ZBTB20: variants seen among roughly 807,000 people sequenced by gnomAD.
The protein encoded by ZBTB20 is zinc finger and BTB domain containing 20.
Under a neutral mutation model 56.9 loss-of-function variants are expected in ZBTB20, and 9 were observed. The observed-to-expected ratio is 0.16, with a 90% CI of 0.10 to 0.28. The LOEUF is 0.28. Among genes scored for constraint, ZBTB20 ranks in the 10% least tolerant of loss-of-function variants. The pLI, the probability that ZBTB20 is intolerant of heterozygous loss-of-function variation, is 1.00. For synonymous variants in ZBTB20, 417 were observed against 420.7 expected, an observed-to-expected ratio of 0.99 and a Z score of 0.11; for missense variants, 655 against 1,003.0, an observed-to-expected ratio of 0.65 and a Z score of 4.69.
At chr3:115,075,294 C>A in intron 1 of ZBTB20, among the ~76,000 whole-genome samples, 1 of 152,126 alleles carries the variant, frequency 6.6e-6, no homozygotes, top group East Asian at 1.9e-4. Context: ...CCCTTTCCTT[C>A]AGCCCTTGGC....
At chr3:114,933,023 A>G (rs916607978) in intron 3 of ZBTB20, among the ~76,000 whole-genome samples, 2 of 152,148 alleles carry the variant, frequency 1.3e-5, no homozygotes, top group African/African-American at 4.8e-5. Context: ...ATGAGAAGCA[A>G]TGGGGAGAGA....
intron 2 of ZBTB20, among the ~76,000 whole-genome samples, chr3:114,996,365 A>C: frequency 2.7e-5 from 4 of 146,040 alleles, no homozygotes; most frequent in Non-Finnish European, 4.5e-5. Context: ...CTAGCCTCCC[A>C]CCCCCCAAAA....
At chr3:114,993,610 A>G (rs1420022342) in intron 2 of ZBTB20, among the ~76,000 whole-genome samples, 5 of 151,884 alleles carry the variant, frequency 3.3e-5, no homozygotes, top group Non-Finnish European at 7.4e-5. Flanking sequence ...ATGAAAAGAT[A>G]GATTAAAAAG....
chr3:114,769,498 C>CTA lies in ZBTB20; in HGVS notation c.-343+31601_-343+31602dup, dbSNP rs1262783587. 1.7e-4 allele frequency among the ~76,000 whole-genome samples: 25 copies of CTA among 144,384 alleles called. No individual in the cohort carries two copies. In the East Asian group the frequency reaches 4.8e-3, roughly 28 times the overall value. The allele number at this position is 144,384 out of a possible 152,430, so 94.7% of individuals were successfully genotyped here. On this transcript the variant is annotated intron_variant, in intron 5 of 11. Coordinates refer to ENST00000675478, the MANE Select transcript of ZBTB20 (RefSeq NM_001348800.3). Reference sequence around the variant, plus strand: ...ATAGATAATATACTTTCAAATATATCTATTTGCACCTGTTAAATAGCTAAT... The same window carrying CTA: ...ATAGATAATATACTTTCAAATATATCTATATTTGCACCTGTTAAATAGCTAAT...
At position 114,943,417 on chromosome 3, in the gene ZBTB20, CAT is replaced by C. The variant is rs1560423013; in HGVS notation, c.-456+30947_-456+30948del. On this transcript the variant is annotated intron_variant, in intron 3 of 11. Transcript: ENST00000675478. The stretch of plus-strand genomic sequence containing the variant: ...AAAGAGAAAAAATAATAGACAAAAA[CAT>C]AAATTCAAAAATGATACAGATTAAA... Among the ~76,000 whole-genome samples the C allele has an allele frequency of 2.1e-5, 3 of 145,188 alleles. No homozygotes were observed. The South Asian group carries it at 6.5e-4, about 31-fold the overall frequency.
intron 3 of ZBTB20, among the ~76,000 whole-genome samples, chr3:114,955,908 G>T (rs1202336005): frequency 6.6e-6 from 1 of 152,020 alleles, no homozygotes; most frequent in East Asian, 1.9e-4. Flanking sequence ...AAATGGAAAA[G>T]GAAAAGGCAA....
At chr3:114,868,424 T>G (rs2075858855) in intron 4 of ZBTB20, among the ~76,000 whole-genome samples, 1 of 152,208 alleles carries the variant, frequency 6.6e-6, no homozygotes, top group African/African-American at 2.4e-5. Context: ...TGGAGGTTCA[T>G]GTAGCACACT....
rs184975233 is a variant in ZBTB20 at position 115,041,778 on chromosome 3, A to C, written c.-507+29441T>G. Reference sequence around the variant, plus strand: ...AATAACTATAAATTCCCTATGGAGAAGCCATCTCTGCCCCATGTCATCATG... The same window carrying C: ...AATAACTATAAATTCCCTATGGAGACGCCATCTCTGCCCCATGTCATCATG... On this transcript the variant is annotated intron_variant, in intron 2 of 11. Coordinates refer to ENST00000675478, the MANE Select transcript of ZBTB20 (RefSeq NM_001348800.3). 7.2e-5 allele frequency among the ~76,000 whole-genome samples: 11 copies of C among 152,340 alleles called. No individual in the cohort carries two copies. In the East Asian group the frequency reaches 2.1e-3, roughly 29 times the overall value.
At chr3:114,555,023 T>C (rs984255858) in intron 6 of ZBTB20, among the ~76,000 whole-genome samples, 2 of 152,162 alleles carry the variant, frequency 1.3e-5, no homozygotes, top group African/African-American at 4.8e-5. Flanking sequence ...AGCTCCAGCA[T>C]ACCAGAAAAC....
At chr3:114,367,028 T>G (rs2082477462) in intron 10 of ZBTB20, 1 of 152,248 alleles carries the variant, frequency 6.6e-6, no homozygotes, top group South Asian at 2.1e-4. Context: ...TTTCTTTACT[T>G]GTAAGTATTT....
At chr3:114,366,778 G>C (rs560816855) in intron 10 of ZBTB20, 1 of 152,346 alleles carries the variant, frequency 6.6e-6, no homozygotes, top group South Asian at 2.1e-4. Flanking sequence ...TGGGCACCAC[G>C]GCACGGGGAA....
At chr3:114,421,486 T>C (rs1276969333) in intron 7 of ZBTB20, among the ~76,000 whole-genome samples, 3 of 152,172 alleles carry the variant, frequency 2.0e-5, no homozygotes, top group Admixed American at 6.5e-5. Flanking sequence ...GCCGACGTTT[T>C]GTAAAGTGGA....
chr3:114,425,900 C>A lies in ZBTB20; in HGVS notation c.-254-36795G>T, dbSNP rs148666227. 4.6e-5 allele frequency among the ~76,000 whole-genome samples: 7 copies of A among 152,288 alleles called. No individual in the cohort carries two copies. In the South Asian group the frequency reaches 1.4e-3, roughly 32 times the overall value. Reference sequence around the variant, plus strand: ...TCCAATGCCTCAATCTTCTGCTAAACGTTCACATTTTAATATATTGCTTCT... The same window carrying A: ...TCCAATGCCTCAATCTTCTGCTAAAAGTTCACATTTTAATATATTGCTTCT... On this transcript the variant is annotated intron_variant, in intron 7 of 11. Transcript: ENST00000675478.
chr3:114,684,220 T>G (rs1158597828), intron 6 of ZBTB20, among the ~76,000 whole-genome samples: 1 of 152,104 alleles, frequency 6.6e-6, no homozygotes, highest in African/African-American at 2.4e-5. Flanking sequence ...CTTCTAGGAG[T>G]CTAATATGTA....
At chr3:114,709,065 T>C (rs113929973) in intron 5 of ZBTB20, among the ~76,000 whole-genome samples, 3,754 of 152,248 alleles carry the variant, frequency 0.025, 156 homozygotes, top group African/African-American at 0.087. Flanking sequence ...TTTGGGACTA[T>C]GTAGTTATAA....
intron 4 of ZBTB20, among the ~76,000 whole-genome samples, chr3:114,831,316 G>A (rs540971456): frequency 6.6e-6 from 1 of 151,662 alleles, no homozygotes; most frequent in African/African-American, 2.4e-5. Context: ...AGACTGCCTG[G>A]GTTCAAATCC....
At chr3:114,958,787 G>A (rs1425614084) in intron 3 of ZBTB20, among the ~76,000 whole-genome samples, 1 of 151,470 alleles carries the variant, frequency 6.6e-6, no homozygotes, top group African/African-American at 2.4e-5. Flanking sequence ...AGCGGAAGAA[G>A]TTGCCATGAG....
At chr3:114,542,915 C>G (rs2049291219) in intron 6 of ZBTB20, among the ~76,000 whole-genome samples, 2 of 152,112 alleles carry the variant, frequency 1.3e-5, no homozygotes, top group Admixed American at 1.3e-4. Flanking sequence ...TAATACGATG[C>G]AACAAATGGG....
At position 115,017,574 on chromosome 3, in the gene ZBTB20, C is replaced by CA. The variant is rs11448493; in HGVS notation, c.-506-43159dup. ...GATGGCAATTTTTATTTAGATAGAT[C>CA]AAAAAAAATGCTGTCACAGAGAGAT... On this transcript the variant is annotated intron_variant, in intron 2 of 11. Coordinates refer to ENST00000675478, the MANE Select transcript of ZBTB20 (RefSeq NM_001348800.3). Among the ~76,000 whole-genome samples, 639 of 150,570 alleles carry CA rather than the reference C, an allele frequency of 4.2e-3. 5 individuals carry two copies. Among genetic ancestry groups the CA allele is most frequent in the African/African-American group, 0.014 (592 of 41,226 alleles).
Sources: gnomAD v4.1 joint callset for allele counts (sites outside exome capture counted in the v4.1 genomes callset) on GRCh38, gnomAD v4.1.1 for gene constraint, MANE v1.5 for transcripts, NCBI Gene and HGNC (gene_info 2026-07-23, HGNC 2026-07-21) for gene names.